NTNG1: variants seen among roughly 807,000 people sequenced by gnomAD.
The protein encoded by NTNG1 is netrin G1, also known as netrin-G1.
Under a neutral mutation model 54.0 loss-of-function variants are expected in NTNG1, and 16 were observed. The ratio of observed to expected loss-of-function variants is 0.30; its 90% CI spans 0.20 to 0.45. NTNG1 has a LOEUF of 0.45. Among genes scored for constraint, NTNG1 ranks in the 20% least tolerant of loss-of-function variants. The pLI is 1.00. For synonymous variants in NTNG1, 255 were observed against 263.1 expected (o/e 0.97, Z 0.30); for missense variants, 530 against 678.7 (o/e 0.78, Z 2.43).
chr1:107,398,609 G>A (rs916885612), intron 4 of NTNG1, among the ~76,000 whole-genome samples: 5 of 152,160 alleles, frequency 3.3e-5, no homozygotes, highest in African/African-American at 4.8e-5. Flanking sequence ...AAACTTGACA[G>A]AGGCAGAGTA....
chr1:107,443,390 G>T (rs200162422), intron 7 of NTNG1, among the ~76,000 whole-genome samples: 1 of 17,658 alleles, frequency 5.7e-5, no homozygotes, highest in Non-Finnish European at 1.6e-4. Flanking sequence ...TAGTTCAGGA[G>T]GTTTTCTTTT....
intron 5 of NTNG1, among the ~76,000 whole-genome samples, chr1:107,424,304 G>A (rs1373993619): frequency 1.3e-5 from 2 of 152,062 alleles, no homozygotes; most frequent in African/African-American, 4.8e-5. Context: ...TGTGTTTGAA[G>A]AGCAACATGG....
chr1:107,390,106 C>G (rs1672274371), intron 3 of NTNG1, among the ~76,000 whole-genome samples: 1 of 152,094 alleles, frequency 6.6e-6, no homozygotes, highest in East Asian at 1.9e-4. Flanking sequence ...TGAGGATAAA[C>G]TGAGTTGTGG....
Position 107,422,491 on chromosome 1 carries a change from C to T in NTNG1, c.1088-8259C>T, listed in dbSNP as rs566426195. Among the ~76,000 whole-genome samples the T allele has an allele frequency of 2.6e-5, 4 of 152,096 alleles. No individual in the cohort carries two copies. In the South Asian group the frequency reaches 6.2e-4, roughly 24 times the overall value. On this transcript the variant is annotated intron_variant, in intron 5 of 7. Transcript: ENST00000370068. ...GCACCAATGAGGTCCAGACACATTC[C>T]TGGGGGCAGGGAGAAGCTACCCAAT...
chr1:107,328,032 T>C (rs1259661698), intron 3 of NTNG1, among the ~76,000 whole-genome samples: 1 of 152,132 alleles, frequency 6.6e-6, no homozygotes, highest in Admixed American at 6.6e-5. Flanking sequence ...GAAAAAAGTG[T>C]AATCTCATCA....
rs372616130 is a variant in NTNG1 at position 107,413,482 on chromosome 1, A to G, written c.1087+5774A>G. Among the ~76,000 whole-genome samples, 9 of 152,148 alleles carry G rather than the reference A, an allele frequency of 5.9e-5. No individual in the cohort carries two copies. In the East Asian group the frequency reaches 1.7e-3, roughly 29 times the overall value. Reference sequence around the variant, plus strand: ...TTCAATTAAAAAAAATGCTATTTCCAGATTTCCTGAGGAATGACAGCAGTG... The same window carrying G: ...TTCAATTAAAAAAAATGCTATTTCCGGATTTCCTGAGGAATGACAGCAGTG... On this transcript the variant is annotated intron_variant, in intron 5 of 7. Transcript: ENST00000370068.
intron 2 of NTNG1, among the ~76,000 whole-genome samples, chr1:107,323,472 A>T (rs1667769139): frequency 1.3e-5 from 2 of 152,154 alleles, no homozygotes; most frequent in South Asian, 4.1e-4. Context: ...ACTAACATCC[A>T]TGAAGAACTG....
chr1:107,352,866 G>A (rs1193674786), intron 3 of NTNG1, among the ~76,000 whole-genome samples: 1 of 152,200 alleles, frequency 6.6e-6, no homozygotes, highest in Non-Finnish European at 1.5e-5. Flanking sequence ...ACCCTCTGGA[G>A]CAGTGGTCCT....
At chr1:107,460,563 CT>C (rs1481165387) in intron 7 of NTNG1, among the ~76,000 whole-genome samples, 1 of 152,166 alleles carries the variant, frequency 6.6e-6, no homozygotes, top group Non-Finnish European at 1.5e-5. Context: ...GGCTGCACTG[CT>C]GGGGAAAAAG....
chr1:107,180,242 A>G (rs1417964837), intron 2 of NTNG1, among the ~76,000 whole-genome samples: 1 of 152,180 alleles, frequency 6.6e-6, no homozygotes, highest in Non-Finnish European at 1.5e-5. Flanking sequence ...TGGAGGTCTT[A>G]GTCAATCCTT....
intron 3 of NTNG1, among the ~76,000 whole-genome samples, chr1:107,339,038 T>C (rs1421333516): frequency 6.6e-6 from 1 of 152,042 alleles, no homozygotes; most frequent in Non-Finnish European, 1.5e-5. Context: ...TATTCTACAC[T>C]CCCAGGAAGA....
chr1:107,303,512 C>G (rs1159333315), intron 2 of NTNG1, among the ~76,000 whole-genome samples: 1 of 152,058 alleles, frequency 6.6e-6, no homozygotes, highest in Admixed American at 6.6e-5. Flanking sequence ...TACACTTAGC[C>G]CTTGTTTCAT....
chr1:107,302,146 A>G (rs1666358644), intron 2 of NTNG1, among the ~76,000 whole-genome samples: 2 of 152,178 alleles, frequency 1.3e-5, no homozygotes, highest in African/African-American at 4.8e-5. Context: ...AGCCCTACTC[A>G]GGTCTTAGCT....
chr1:107,462,506 TC>T (rs1366594007), intron 7 of NTNG1, among the ~76,000 whole-genome samples: 2 of 152,220 alleles, frequency 1.3e-5, no homozygotes, highest in Admixed American at 1.3e-4. Context: ...GACCAAGTCC[TC>T]AATAAATAGA....
At chr1:107,233,664 C>G (rs985163334) in intron 2 of NTNG1, among the ~76,000 whole-genome samples, 1 of 152,086 alleles carries the variant, frequency 6.6e-6, no homozygotes, top group African/African-American at 2.4e-5. Context: ...AGAACCCTTC[C>G]CCAGATAGCT....
At chr1:107,307,107 A>G (rs1000275483) in intron 2 of NTNG1, among the ~76,000 whole-genome samples, 3 of 152,232 alleles carry the variant, frequency 2.0e-5, no homozygotes, top group Admixed American at 6.5e-5. Flanking sequence ...AGAGATAGGT[A>G]TGATAGTACA....
At chr1:107,339,182 A>C (rs1456639402) in intron 3 of NTNG1, among the ~76,000 whole-genome samples, 1 of 152,042 alleles carries the variant, frequency 6.6e-6, no homozygotes. Context: ...CTCCAGCTCC[A>C]CTAGGGGCTC....
At chr1:107,386,147 G>GTATATATA (rs1479807179) in intron 3 of NTNG1, among the ~76,000 whole-genome samples, 6 of 94,438 alleles carry the variant, frequency 6.4e-5, no homozygotes, top group Non-Finnish European at 1.4e-4. Flanking sequence ...ATATATATGT[G>GTATATATA]TGTATATATA....
intron 7 of NTNG1, among the ~76,000 whole-genome samples, chr1:107,445,453 G>T (rs1381835499): frequency 6.6e-6 from 1 of 152,060 alleles, no homozygotes; most frequent in East Asian, 1.9e-4. Context: ...TACTTACTGA[G>T]CCCTTTGTAT....
Sources: gnomAD v4.1 joint callset for allele counts (sites outside exome capture counted in the v4.1 genomes callset) on GRCh38, gnomAD v4.1.1 for gene constraint, MANE v1.5 for transcripts, NCBI Gene and HGNC (gene_info 2026-07-23, HGNC 2026-07-21) for gene names.